Variants in LRRC37A2 observed in about 807,000 individuals in gnomAD.
LRRC37A2 encodes leucine rich repeat containing 37 member A2.
A neutral mutation model predicts 68.8 loss-of-function variants in LRRC37A2; 9 were observed. The ratio of observed to expected loss-of-function variants is 0.13; its 90% confidence interval spans 0.08 to 0.23. LRRC37A2 has a LOEUF of 0.23. LRRC37A2 is among the 10% of genes least tolerant of loss of function. The probability of loss-of-function intolerance (pLI) is 1.00; values close to 1 mark genes in which losing one functional copy is unlikely to be tolerated. For synonymous variants in LRRC37A2, 63 were observed against 367.6 expected, an observed-to-expected ratio of 0.17 and a Z score of 9.48; for missense variants, 168 against 950.4, an observed-to-expected ratio of 0.18 and a Z score of 10.82.
the LRRC37A2 span, chr17:46,909,612 C>T: frequency 6.6e-6 from 1 of 152,252 alleles, no homozygotes. Flanking sequence ...TGGCTAACAG[C>T]TAGCGTATTG....
exon 2 of LRRC37A2, chr17:46,513,161 TGAA>T (rs1209030643): frequency 1.3e-6 from 1 of 799,614 alleles, no homozygotes; most frequent in African/African-American, 1.5e-5. Flanking sequence ...CCCAAGAAGC[TGAA>T]GAAAGATCCA....
At chr17:46,771,747 G>A in the LRRC37A2 span, among the ~76,000 whole-genome samples, 1 of 97,910 alleles carries the variant, frequency 1.0e-5, no homozygotes, top group Non-Finnish European at 2.1e-5. Flanking sequence ...CCATTGAAGC[G>A]GCGCCCCCCG....
chr17:46,475,808 T>A, the LRRC37A2 span, among the ~76,000 whole-genome samples: 100 of 88,960 alleles, frequency 1.1e-3, 29 homozygotes, highest in Middle Eastern at 0.032. Flanking sequence ...AGATGACTTC[T>A]GGGGAAAAAA....
chr17:46,630,688 C>T, the LRRC37A2 span: 2,208 of 520,434 alleles, frequency 4.2e-3, 80 homozygotes, highest in Middle Eastern at 0.023. Context: ...TTTATGACTT[C>T]CAGTTGGGGG....
At chr17:46,867,432 T>C in the LRRC37A2 span, among the ~76,000 whole-genome samples, 1 of 152,200 alleles carries the variant, frequency 6.6e-6, no homozygotes, top group Non-Finnish European at 1.5e-5. Flanking sequence ...ATGAGCTCAG[T>C]TGGTGAGGGG....
At chr17:47,018,314 A>C in the LRRC37A2 span, 1 of 1,611,538 alleles carries the variant, frequency 6.2e-7, no homozygotes, top group Non-Finnish European at 8.5e-7. Flanking sequence ...GGGAGGTCGA[A>C]TCTTCTCTGA....
the LRRC37A2 span, among the ~76,000 whole-genome samples, chr17:47,000,153 G>C: frequency 1.4e-5 from 2 of 140,654 alleles, no homozygotes; most frequent in Non-Finnish European, 3.1e-5. Flanking sequence ...GTGAAGATGA[G>C]CTGGCTCCCT....
the LRRC37A2 span, among the ~76,000 whole-genome samples, chr17:46,836,839 C>G: frequency 4.6e-5 from 7 of 152,156 alleles, no homozygotes; most frequent in South Asian, 2.1e-4. Flanking sequence ...TTTTAAAAAG[C>G]TAGATGTGTG....
the LRRC37A2 span, among the ~76,000 whole-genome samples, chr17:46,971,829 T>G: frequency 6.6e-6 from 1 of 152,220 alleles, no homozygotes; most frequent in Non-Finnish European, 1.5e-5. Flanking sequence ...AACATGTGTT[T>G]GTTCTGTGTG....
chr17:46,707,865 C>T, the LRRC37A2 span, among the ~76,000 whole-genome samples: 1 of 151,986 alleles, frequency 6.6e-6, no homozygotes, highest in Non-Finnish European at 1.5e-5. Context: ...AACCCCATCT[C>T]TACTAAAAAA....
At chr17:46,779,969 G>A in the LRRC37A2 span, among the ~76,000 whole-genome samples, 3 of 152,154 alleles carry the variant, frequency 2.0e-5, no homozygotes, top group South Asian at 4.1e-4. Flanking sequence ...ATATTGGCCA[G>A]GCTGGTCTGG....
the LRRC37A2 span, among the ~76,000 whole-genome samples, chr17:46,947,698 G>A: frequency 2.0e-3 from 304 of 152,234 alleles, 1 homozygote; most frequent in Non-Finnish European, 3.0e-3. Context: ...TCTGTATAGT[G>A]AGAATAATAA....
the LRRC37A2 span, chr17:46,938,855 A>T: frequency 6.3e-7 from 1 of 1,594,872 alleles, no homozygotes; most frequent in Non-Finnish European, 8.5e-7. Flanking sequence ...GCCTTTTGAA[A>T]TGTTTGCCTG....
chr17:46,846,802 G>C, the LRRC37A2 span, among the ~76,000 whole-genome samples: 17 of 152,194 alleles, frequency 1.1e-4, no homozygotes, highest in East Asian at 1.2e-3. Context: ...AGGGAGGGAG[G>C]AACAGAAGTG....
the LRRC37A2 span, among the ~76,000 whole-genome samples, chr17:46,857,751 T>C: frequency 6.6e-6 from 1 of 152,220 alleles, no homozygotes; most frequent in African/African-American, 2.4e-5. Flanking sequence ...CAGTTTTAAC[T>C]TGTGGCTATT....
chr17:46,883,300 G>A, the LRRC37A2 span, among the ~76,000 whole-genome samples: 408 of 129,910 alleles, frequency 3.1e-3, no homozygotes, highest in Non-Finnish European at 5.3e-3. Flanking sequence ...TTTTTCCTTT[G>A]TGAGATGGAG....
the LRRC37A2 span, among the ~76,000 whole-genome samples, chr17:47,043,455 C>T: frequency 2.7e-5 from 4 of 150,122 alleles, no homozygotes; most frequent in East Asian, 2.0e-4. Context: ...GCCAAGATTG[C>T]GCCACTGCAC....
At chr17:47,000,096 T>TAAAATAAAATAAAAATAA in the LRRC37A2 span, among the ~76,000 whole-genome samples, 15 of 114,836 alleles carry the variant, frequency 1.3e-4, no homozygotes, top group Non-Finnish European at 2.1e-4. Flanking sequence ...TAAAATAAAA[T>TAAAATAAAATAAAAATAA]AAAATAAAAT....
At chr17:46,496,954 T>C in the LRRC37A2 span, among the ~76,000 whole-genome samples, 7 of 144,618 alleles carry the variant, frequency 4.8e-5, 1 homozygote, top group Non-Finnish European at 1.1e-4. Flanking sequence ...AATATAAAAT[T>C]AGTGTTTTAT....
Sources: allele counts gnomAD v4.1 joint callset (sites outside exome capture counted in the v4.1 genomes callset), GRCh38; gene constraint gnomAD v4.1.1; transcripts MANE v1.5; gene names NCBI Gene and HGNC (gene_info 2026-07-23, HGNC 2026-07-21).